The following NAALADL2 variants were observed in gnomAD, a reference collection of about 807,000 sequenced individuals.
NAALADL2 encodes N-acetylated alpha-linked acidic dipeptidase like 2.
A neutral mutation model predicts 87.2 loss-of-function variants in NAALADL2; 76 were observed. The ratio of observed to expected loss-of-function variants is 0.87; its 90% CI spans 0.72 to 1.05. The LOEUF is 1.05. Among genes scored for constraint, NAALADL2 ranks in the 50% least tolerant of loss-of-function variants. The pLI, the probability that NAALADL2 is intolerant of heterozygous loss-of-function variation, is 0.00. For synonymous variants in NAALADL2, 354 were observed against 331.0 expected (o/e 1.07, Z -0.75); for missense variants, 1,089 against 945.8 (o/e 1.15, Z -1.99).
rs1205315425 is a variant in NAALADL2 at position 175,314,699 on chromosome 3, T to A, written c.940-9476T>A. On this transcript the variant is annotated intron_variant, in intron 4 of 13. Coordinates refer to ENST00000454872, the MANE Select transcript of NAALADL2 (RefSeq NM_207015.3). Reference sequence around the variant, plus strand: ...ATATATATATATATATATATATATATATATATATATATATATATATATAGT... The same window carrying A: ...ATATATATATATATATATATATATAAATATATATATATATATATATATAGT... Among the ~76,000 whole-genome samples, 39 of 88,894 alleles carry A rather than the reference T, an allele frequency of 4.4e-4. 1 individual carries two copies. Among genetic ancestry groups the A allele is most frequent in the African/African-American group, 1.6e-3 (37 of 22,794 alleles). 58.3% of individuals were successfully genotyped at this position (88,894 alleles called of 152,430 possible).
intron 3 of NAALADL2, among the ~76,000 whole-genome samples, chr3:174,792,834 A>G (rs996169862): frequency 4.6e-5 from 7 of 152,174 alleles, no homozygotes; most frequent in Non-Finnish European, 1.0e-4. Flanking sequence ...GCAAGCATAG[A>G]TGGAATATTC....
At chr3:174,663,768 A>G (rs1725713510) in intron 2 of NAALADL2, among the ~76,000 whole-genome samples, 1 of 150,298 alleles carries the variant, frequency 6.7e-6, no homozygotes, top group Admixed American at 6.7e-5. Flanking sequence ...TTCATTTACT[A>G]TATTCACTGG....
intron 3 of NAALADL2, among the ~76,000 whole-genome samples, chr3:174,830,788 A>G (rs960705174): frequency 2.0e-5 from 3 of 152,096 alleles, no homozygotes; most frequent in Admixed American, 1.3e-4. Context: ...TTCCTTGAGC[A>G]GTAGTTTGTA....
intron 2 of NAALADL2, among the ~76,000 whole-genome samples, chr3:175,215,672 A>G (rs1274489450): frequency 6.6e-6 from 1 of 151,970 alleles, no homozygotes; most frequent in Non-Finnish European, 1.5e-5. Flanking sequence ...TTACCTGCTC[A>G]CTCCTGGAGG....
chr3:175,011,280 CAGAGAGAGAGAG>C (rs139229550), intron 1 of NAALADL2, among the ~76,000 whole-genome samples: 49 of 113,558 alleles, frequency 4.3e-4, no homozygotes, highest in Middle Eastern at 4.3e-3. Context: ...GACAGAGAGA[CAGAGAGAGAGAG>C]AGAGAGAGAG....
chr3:175,746,408 A>C (rs2150111316), intron 12 of NAALADL2, among the ~76,000 whole-genome samples: 1 of 151,884 alleles, frequency 6.6e-6, no homozygotes, highest in Non-Finnish European at 1.5e-5. Context: ...CCCAACTAGC[A>C]AAATTAAGTT....
intron 2 of NAALADL2, among the ~76,000 whole-genome samples, chr3:174,589,794 A>T (rs577931455): frequency 2.6e-5 from 4 of 152,066 alleles, no homozygotes; most frequent in African/African-American, 7.2e-5. Context: ...CTAGAATATT[A>T]AATACTCAAG....
At chr3:175,295,076 C>T (rs1756142584) in intron 4 of NAALADL2, among the ~76,000 whole-genome samples, 1 of 152,112 alleles carries the variant, frequency 6.6e-6, no homozygotes, top group Non-Finnish European at 1.5e-5. Flanking sequence ...TCAATACATG[C>T]AGTCAGGTAA....
chr3:175,700,956 T>C (rs971960041), intron 11 of NAALADL2, among the ~76,000 whole-genome samples: 5 of 152,106 alleles, frequency 3.3e-5, no homozygotes, highest in African/African-American at 7.2e-5. Context: ...CTGGGGAATA[T>C]TGGTAATGAA....
intron 2 of NAALADL2, among the ~76,000 whole-genome samples, chr3:175,194,392 A>G (rs73881442): frequency 0.023 from 3,503 of 151,950 alleles, 135 homozygotes; most frequent in African/African-American, 0.079. Flanking sequence ...GAGCCTTGAA[A>G]TCATCCCAAT....
intron 2 of NAALADL2, among the ~76,000 whole-genome samples, chr3:175,205,119 G>A (rs547070334): frequency 1.3e-5 from 2 of 152,118 alleles, no homozygotes; most frequent in African/African-American, 2.4e-5. Flanking sequence ...AAATTCATAT[G>A]GAACCAAAAA....
intron 11 of NAALADL2, among the ~76,000 whole-genome samples, chr3:175,706,518 A>AT (rs1267840833): frequency 6.6e-6 from 1 of 152,138 alleles, no homozygotes; most frequent in Non-Finnish European, 1.5e-5. Flanking sequence ...GTTCTCACCT[A>AT]TTTTTGGACC....
intron 2 of NAALADL2, among the ~76,000 whole-genome samples, chr3:175,147,458 T>C (rs935243163): frequency 6.6e-6 from 1 of 152,154 alleles, no homozygotes; most frequent in Non-Finnish European, 1.5e-5. Context: ...CCATGACATA[T>C]TATGTACCAC....
intron 9 of NAALADL2, among the ~76,000 whole-genome samples, chr3:175,525,967 C>G (rs1282413717): frequency 6.6e-6 from 1 of 152,194 alleles, no homozygotes; most frequent in Non-Finnish European, 1.5e-5. Context: ...TGGGAAAGTA[C>G]TTCCAAGATC....
chr3:175,052,935 C>T (rs73038447), intron 1 of NAALADL2, among the ~76,000 whole-genome samples: 2,397 of 152,218 alleles, frequency 0.016, 68 homozygotes, highest in African/African-American at 0.054. Context: ...ATAGTGTGGC[C>T]GTGGCATGCA....
At chr3:175,692,803 A>AT (rs1408416617) in intron 11 of NAALADL2, among the ~76,000 whole-genome samples, 2 of 151,848 alleles carry the variant, frequency 1.3e-5, no homozygotes, top group South Asian at 2.1e-4. Flanking sequence ...TTCATTTCTG[A>AT]TTTTTTTTCC....
chr3:174,601,055 T>A (rs1362996761), intron 2 of NAALADL2, among the ~76,000 whole-genome samples: 1 of 152,202 alleles, frequency 6.6e-6, no homozygotes, highest in African/African-American at 2.4e-5. Context: ...GAGGATCTAT[T>A]CTTTGTGTTT....
At position 175,698,271 on chromosome 3, in the gene NAALADL2, A is replaced by G. The variant is rs1480141664; in HGVS notation, c.1897-39035A>G. Among the ~76,000 whole-genome samples the G allele has an allele frequency of 7.1e-4, 63 of 88,118 alleles. 2 individuals carry two copies. The highest frequency in any genetic ancestry group is 1.3e-3 in the Admixed American group (10 of 7,974). The allele number at this position is 88,118 out of a possible 152,430, so 57.8% of individuals were successfully genotyped here. On this transcript the variant is annotated intron_variant, in intron 11 of 13. Transcript: ENST00000454872. ...TGTGTATATATGTATGTATACATAT[A>G]TATGTGTATATATGTATGTATACAT...
At chr3:174,864,161 A>G in intron 1 of NAALADL2, 2 of 436,822 alleles carry the variant, frequency 4.6e-6, no homozygotes, top group Non-Finnish European at 9.2e-6. Context: ...TTTTCCAGGT[A>G]CAAGAGAGGG....
Sources: gnomAD v4.1 joint callset for allele counts (sites outside exome capture counted in the v4.1 genomes callset) on GRCh38, gnomAD v4.1.1 for gene constraint, MANE v1.5 for transcripts, NCBI Gene and HGNC (gene_info 2026-07-23, HGNC 2026-07-21) for gene names.